TECTA: variants seen among roughly 807,000 people sequenced by gnomAD.
TECTA encodes alpha-tectorin.
A neutral mutation model predicts 216.8 loss-of-function variants in TECTA; 128 were observed. The observed-to-expected ratio is 0.59, with a 90% CI of 0.51 to 0.68. TECTA has a LOEUF of 0.68. TECTA is among the 30% of genes least tolerant of loss of function. The probability of loss-of-function intolerance (pLI) is 0.00; values close to 1 mark genes in which losing one functional copy is unlikely to be tolerated. For synonymous variants in TECTA, 1,089 were observed against 1,117.1 expected, an observed-to-expected ratio of 0.97 and a Z score of 0.50; for missense variants, 2,551 against 2,786.2, an observed-to-expected ratio of 0.92 and a Z score of 1.90.
intron 10 of TECTA, among the ~76,000 whole-genome samples, chr11:121,131,195 C>T (rs1305923579): frequency 2.7e-5 from 3 of 109,778 alleles, no homozygotes; most frequent in Non-Finnish European, 5.0e-5. Context: ...GCCTGGGCGA[C>T]AGAGCAAGAC....
At chr11:121,133,139 A>G (rs479299) in intron 10 of TECTA, among the ~76,000 whole-genome samples, 111,959 of 152,184 alleles carry the variant, frequency 0.74, 41,730 homozygotes, top group African/African-American at 0.86. Context: ...TAATTTCAAA[A>G]CTACATAAGA....
In TECTA at chr11:121,105,209, T is replaced by C. The variant is rs750906080; in HGVS notation, c.65-622T>C. ...AAGAGTTCTCAAGGACCCAACCCTC[T>C]GACCCCGGAGGATCTCATGTCTGTC... is the stretch of plus-strand genomic sequence containing the variant. On this transcript the variant is annotated intron_variant, in intron 2 of 23. Coordinates refer to ENST00000392793, the MANE Select transcript of TECTA (RefSeq NM_005422.4). This position sits in a 1 kb window ranked among gnomAD's most constrained non-coding sequence, Gnocchi z 5.3. Among the ~76,000 whole-genome samples the C allele has an allele frequency of 6.6e-6, 1 of 152,218 alleles. No homozygotes were observed. Among genetic ancestry groups the C allele is most frequent in the Non-Finnish European group, 1.5e-5 (1 of 68,032 alleles).
At chr11:121,146,502 A>C (rs936189945) in intron 12 of TECTA, among the ~76,000 whole-genome samples, 2 of 152,188 alleles carry the variant, frequency 1.3e-5, no homozygotes, top group African/African-American at 4.8e-5. Flanking sequence ...AATAATCCGC[A>C]TGCTTTGTCT....
At chr11:121,135,851 G>C (rs1946720861) in intron 10 of TECTA, among the ~76,000 whole-genome samples, 1 of 152,212 alleles carries the variant, frequency 6.6e-6, no homozygotes, top group Non-Finnish European at 1.5e-5. Context: ...CTGTGCTCCT[G>C]AGTTCTGTCC....
At chr11:121,145,229 G>A (rs981483503) in intron 11 of TECTA, among the ~76,000 whole-genome samples, 4 of 152,310 alleles carry the variant, frequency 2.6e-5, no homozygotes, top group Admixed American at 6.5e-5. Flanking sequence ...CTATGTTTTG[G>A]TAGTTCAGTC....
rs773546195 is a variant in TECTA, at chr11:121,145,703, G to C, written c.3692G>C (p.Arg1231Pro). 2.5e-6 allele frequency: 4 copies of C among 1,614,188 alleles called. No homozygotes were observed. Among genetic ancestry groups the C allele is most frequent in the Non-Finnish European group, 3.4e-6 (4 of 1,180,036 alleles). Residue 1231 changes from arginine (R) to proline (P), a missense_variant, in exon 12 of 24, where the codon CGG becomes CCG. By Grantham distance (103) the Arg-to-Pro change is moderately radical. Coordinates refer to ENST00000392793, the MANE Select transcript of TECTA (RefSeq NM_005422.4). ...WKTFLSITVP[R>P]SMQNSTYGLC... ...ACCTTCCTGTCCATCACAGTCCCTC[G>C]GAGCATGCAGAACAGCACCTATGGT...
chr11:121,160,921 C>T (rs968520661), intron 15 of TECTA, among the ~76,000 whole-genome samples: 2 of 152,198 alleles, frequency 1.3e-5, no homozygotes, highest in Non-Finnish European at 2.9e-5. Context: ...AGGTTATTAT[C>T]AGGCCCACCC....
At chr11:121,106,553 T>C (rs2135051054) in intron 3 of TECTA, among the ~76,000 whole-genome samples, 1 of 152,294 alleles carries the variant, frequency 6.6e-6, no homozygotes, top group South Asian at 2.1e-4. Context: ...CTCAGGTTTT[T>C]GTTTTTGGTT....
Position 121,105,947 on chromosome 11 carries a change from C to G in TECTA, c.181C>G (p.Pro61Ala). The change falls in exon 3 of 24, where the codon CCT (proline) becomes GCT (alanine). Residue 61 changes from proline to alanine, a missense_variant. Physicochemically the swap from Pro to Ala is conservative, Grantham distance 27. Coordinates refer to ENST00000392793, the MANE Select transcript of TECTA (RefSeq NM_005422.4). The surrounding 1 kb of genome is among the most constrained non-coding windows in gnomAD (Gnocchi z 5.3). ...CATCCCAGTTTTCTTCTTTGGCGTT[C>G]CTTACCGCACTGTCTATGTAAGTGG... ...LAIPVFFFGV[P>A]YRTVYVNNNG... 6.2e-7 allele frequency: 1 copy of G among 1,614,170 alleles called. No homozygotes were observed. Among genetic ancestry groups the G allele is most frequent in the Non-Finnish European group, 8.5e-7 (1 of 1,180,028 alleles).
chr11:121,158,083 C>T lies in TECTA; in HGVS notation c.4548C>T (p.Ile1516=). ...ACTGCGCCTTCGTGCTGTCCACCAT[C>T]TGCCAGAAACTGCCCGACATCTCCT... ...PANCAFVLST[I]CQKLPDISFQ... The change falls in exon 14 of 24, where the codon ATC becomes ATT. Residue 1516 remains isoleucine (I), a synonymous_variant. Transcript: ENST00000392793. 6.2e-7 allele frequency: 1 copy of T among 1,614,124 alleles called. No individual in the cohort carries two copies. The highest frequency in any genetic ancestry group is 1.1e-5 in the South Asian group (1 of 91,086).
At position 121,105,952 on chromosome 11, in the gene TECTA, C is replaced by T. The variant is rs2135050272; in HGVS notation, c.186C>T (p.Tyr62=). 12 of 1,614,188 alleles carry T rather than the reference C, an allele frequency of 7.4e-6. No homozygotes were observed. The highest frequency in any genetic ancestry group is 1.3e-5 in the African/African-American group (1 of 75,064). ...AIPVFFFGVP[Y]RTVYVNNNGV... ...CAGTTTTCTTCTTTGGCGTTCCTTACCGCACTGTCTATGTAAGTGGAGAAG... is the reference window on the plus strand; with the variant it reads ...CAGTTTTCTTCTTTGGCGTTCCTTATCGCACTGTCTATGTAAGTGGAGAAG... The change falls in exon 3 of 24, where the codon TAC becomes TAT. Residue 62 remains tyrosine, a synonymous_variant. Transcript: ENST00000392793. This position sits in a 1 kb window ranked among gnomAD's most constrained non-coding sequence, Gnocchi z 5.3.
intron 20 of TECTA, among the ~76,000 whole-genome samples, chr11:121,172,254 T>C (rs1466645214): frequency 2.6e-5 from 4 of 152,094 alleles, no homozygotes; most frequent in South Asian, 2.1e-4. Flanking sequence ...TAGTTACATA[T>C]GTATACATGT....
In TECTA at chr11:121,153,150, G is replaced by A. The variant is rs1322430242; in HGVS notation, c.4305+70G>A. The stretch of plus-strand genomic sequence containing the variant: ...ATTCCTCTCCAACTCTAAGAGGTTG[G>A]TCAGATTGACCAATTTTCCCACTTC... On this transcript the variant is annotated intron_variant, in intron 13 of 23. Coordinates refer to ENST00000392793, the MANE Select transcript of TECTA (RefSeq NM_005422.4). 1.9e-6 allele frequency: 3 copies of A among 1,542,814 alleles called. No individual in the cohort carries two copies. In the East Asian group the frequency reaches 7.2e-5, roughly 37 times the overall value.
chr11:121,123,698 A>G (rs1946580907), intron 7 of TECTA, among the ~76,000 whole-genome samples: 1 of 152,242 alleles, frequency 6.6e-6, no homozygotes, highest in Non-Finnish European at 1.5e-5. Context: ...CACAAAAGCC[A>G]GAGCAATTCT....
intron 20 of TECTA, 36 bp from the exon 21 acceptor site, chr11:121,187,796 A>G (rs950331614): frequency 3.7e-6 from 6 of 1,613,382 alleles, no homozygotes; most frequent in Non-Finnish European, 5.1e-6. Flanking sequence ...AGAGGAAAAC[A>G]TGTGAAGCAA....
chr11:121,109,188 C>CA (rs1185688098), intron 3 of TECTA, 23 bp from the exon 4 acceptor site: 1 of 1,613,798 alleles, frequency 6.2e-7, no homozygotes, highest in Admixed American at 1.7e-5. Context: ...ATCCACTGTG[C>CA]AAAACCTCTC....
chr11:121,109,756 A>T, intron 4 of TECTA: 1 of 487,464 alleles, frequency 2.1e-6, no homozygotes, highest in Non-Finnish European at 3.7e-6. Flanking sequence ...AACCCTCAAA[A>T]ACTTTCCTGC....
At chr11:121,171,324 A>C (rs1947110131) in intron 20 of TECTA, among the ~76,000 whole-genome samples, 1 of 152,138 alleles carries the variant, frequency 6.6e-6, no homozygotes, top group South Asian at 2.1e-4. Context: ...TTTGGCTACT[A>C]TAGCTTCACA....
At chr11:121,152,842 T>A in intron 12 of TECTA, 39 bp from the exon 13 acceptor site, 1 of 1,571,276 alleles carries the variant, frequency 6.4e-7, no homozygotes, top group Non-Finnish European at 8.7e-7. Flanking sequence ...CTCGGTGCCT[T>A]GTGATCGTGC....
Sources: gnomAD v4.1 joint callset for allele counts (sites outside exome capture counted in the v4.1 genomes callset) on GRCh38, gnomAD v4.1.1 for gene constraint, Gnocchi (gnomAD v3.1) non-coding constraint, MANE v1.5 for transcripts, NCBI Gene and HGNC (gene_info 2026-07-23, HGNC 2026-07-21) for gene names.